The following PARP8 variants were observed in gnomAD, a reference collection of about 807,000 sequenced individuals.
The protein encoded by PARP8 is protein mono-ADP-ribosyltransferase PARP8.
Under a neutral mutation model 124.1 loss-of-function variants are expected in PARP8, and 51 were observed. The ratio of observed to expected loss-of-function variants is 0.41; its 90% CI spans 0.33 to 0.52. PARP8 has a LOEUF of 0.52. Among genes scored for constraint, PARP8 ranks in the 20% least tolerant of loss-of-function variants. PARP8 has a pLI of 0.21. For missense variants in PARP8, 860 were observed against 1,018.9 expected (o/e 0.84, Z 2.12); for synonymous variants, 391 against 361.5 (o/e 1.08, Z -0.93).
At chr5:50,801,091 T>C (rs1743167211) in intron 14 of PARP8, among the ~76,000 whole-genome samples, 1 of 151,936 alleles carries the variant, frequency 6.6e-6, no homozygotes, top group Admixed American at 6.6e-5. Flanking sequence ...AATTTCTTTA[T>C]TAGTTATAGG....
chr5:50,824,756 A>C (rs551018523), intron 17 of PARP8, 152 bp from the exon 18 acceptor site: 23 of 625,454 alleles, frequency 3.7e-5, no homozygotes, highest in Middle Eastern at 3.3e-4. Flanking sequence ...CTTGGGAGAA[A>C]AGACTAGGGC....
Position 50,668,381 on chromosome 5 carries a change from G to A in PARP8, c.146+256G>A, listed in dbSNP as rs143380633. On this transcript the variant is annotated intron_variant, in intron 2 of 25. Coordinates refer to ENST00000281631, the MANE Select transcript of PARP8 (RefSeq NM_024615.4). ...TTCATGTTGAAACTGTTCTGCTACA[G>A]TACTAGATTGCTCTCAGGCGATTTG... is the stretch of plus-strand genomic sequence containing the variant. The A allele has an allele frequency of 6.6e-4, 317 of 478,332 alleles. 3 individuals carry two copies. The East Asian group carries it at 0.011, about 16-fold the overall frequency. The allele number at this position is 478,332 out of a possible 1,614,324, so 29.6% of individuals were successfully genotyped here. A position where few individuals can be genotyped will look rare whatever the true frequency, so the allele number is the denominator to read the frequency against.
intron 2 of PARP8, among the ~76,000 whole-genome samples, chr5:50,676,533 T>C (rs937151321): frequency 1.3e-5 from 2 of 152,212 alleles, no homozygotes; most frequent in African/African-American, 4.8e-5. Context: ...TTCCGTCTCA[T>C]AGGGAAGTGT....
chr5:50,716,684 G>A (rs1041206375), intron 2 of PARP8, among the ~76,000 whole-genome samples: 1 of 152,072 alleles, frequency 6.6e-6, no homozygotes, highest in African/African-American at 2.4e-5. Context: ...ACAGTGGCCT[G>A]TGGTAGGAAA....
At chr5:50,788,730 G>T (rs1741600253) in intron 10 of PARP8, 141 bp downstream of exon 10, 1 of 680,728 alleles carries the variant, frequency 1.5e-6, no homozygotes, top group African/African-American at 1.8e-5. Flanking sequence ...TCATCATGAT[G>T]CTAAGAGCTG....
intron 2 of PARP8, among the ~76,000 whole-genome samples, chr5:50,743,655 G>C (rs554445999): frequency 6.6e-6 from 1 of 152,092 alleles, no homozygotes; most frequent in Non-Finnish European, 1.5e-5. Context: ...AACCAGGCAC[G>C]ATGGCTCAAA....
chr5:50,744,908 C>A (rs1445822415), intron 2 of PARP8: 7 of 625,844 alleles, frequency 1.1e-5, no homozygotes, highest in Non-Finnish European at 1.7e-5. Context: ...ATGTACAGCA[C>A]ATACTAACAG....
chr5:50,774,572 C>A, intron 7 of PARP8, among the ~76,000 whole-genome samples: 1 of 131,828 alleles, frequency 7.6e-6, no homozygotes, highest in Admixed American at 8.1e-5. Flanking sequence ...GGCGGCCGGG[C>A]AGAGGCGCTC....
chr5:50,826,854 C>T (rs1214078843), intron 19 of PARP8, 51 bp downstream of exon 19: 2 of 1,554,926 alleles, frequency 1.3e-6, no homozygotes, highest in Non-Finnish European at 1.7e-6. Flanking sequence ...GGGAGGAGTA[C>T]TTATCAGTTG....
intron 2 of PARP8, among the ~76,000 whole-genome samples, chr5:50,704,644 A>T (rs1014328770): frequency 6.6e-6 from 1 of 152,188 alleles, no homozygotes; most frequent in African/African-American, 2.4e-5. Flanking sequence ...TAGTGTAATA[A>T]AAAGAATGTA....
intron 3 of PARP8, among the ~76,000 whole-genome samples, chr5:50,751,978 A>C (rs1346019753): frequency 6.6e-6 from 1 of 152,070 alleles, no homozygotes; most frequent in East Asian, 1.9e-4. Context: ...TCCAACATTT[A>C]TACCTGTTCT....
At chr5:50,805,337 T>C (rs1165174020) in intron 14 of PARP8, among the ~76,000 whole-genome samples, 1 of 152,078 alleles carries the variant, frequency 6.6e-6, no homozygotes, top group East Asian at 1.9e-4. Context: ...CCAGGCACTG[T>C]GGGTAGATAT....
chr5:50,764,986 G>A (rs1192343694), intron 7 of PARP8, among the ~76,000 whole-genome samples: 1 of 151,700 alleles, frequency 6.6e-6, no homozygotes, highest in African/African-American at 2.4e-5. Context: ...TGGTTGCTGG[G>A]CGCGGTGGCT....
intron 2 of PARP8, among the ~76,000 whole-genome samples, chr5:50,710,015 C>T (rs1426163008): frequency 6.7e-6 from 1 of 148,668 alleles, no homozygotes; most frequent in African/African-American, 2.5e-5. Context: ...CACATATATA[C>T]ACACATATAT....
At chr5:50,775,997 G>A (rs1193362121) in intron 7 of PARP8, among the ~76,000 whole-genome samples, 5 of 152,076 alleles carry the variant, frequency 3.3e-5, no homozygotes, top group African/African-American at 1.2e-4. Context: ...AAAGCATTGA[G>A]TTTTTTCTTA....
chr5:50,763,259 G>A lies in PARP8; in HGVS notation c.518+17G>A. On this transcript the variant is annotated intron_variant, in intron 7 of 25. Transcript: ENST00000281631. ...TTCTCTCAGGTAAATAAGTATCACT[G>A]GTGAATAAAATTAAAGTTTTATGGT... 6.5e-7 allele frequency: 1 copy of A among 1,550,070 alleles called. No individual in the cohort carries two copies. Among genetic ancestry groups the A allele is most frequent in the Non-Finnish European group, 8.9e-7 (1 of 1,123,656 alleles).
chr5:50,751,860 C>T (rs1449406491), intron 3 of PARP8, among the ~76,000 whole-genome samples: 2 of 152,048 alleles, frequency 1.3e-5, no homozygotes, highest in Admixed American at 1.3e-4. Flanking sequence ...ATGTTTTCCC[C>T]ATTATTAAAT....
chr5:50,821,449 C>A, intron 16 of PARP8, 111 bp downstream of exon 16: 1 of 1,162,286 alleles, frequency 8.6e-7, no homozygotes, highest in Non-Finnish European at 1.2e-6. Flanking sequence ...TCTATCTCAT[C>A]AAGCATATCC....
intron 24 of PARP8, among the ~76,000 whole-genome samples, chr5:50,834,250 G>C (rs1469787906): frequency 6.6e-6 from 1 of 152,170 alleles, no homozygotes; most frequent in Non-Finnish European, 1.5e-5. Flanking sequence ...CAAGAATTCA[G>C]AGAGTGATAT....
Sources: allele counts gnomAD v4.1 joint callset (sites outside exome capture counted in the v4.1 genomes callset), GRCh38; gene constraint gnomAD v4.1.1; transcripts MANE v1.5; gene names NCBI Gene and HGNC (gene_info 2026-07-23, HGNC 2026-07-21).